The following PHIP variants were observed in gnomAD, a reference collection of about 807,000 sequenced individuals.
PHIP encodes PHIP subunit of CUL4-Ring ligase complex, also known as PH-interacting protein.
A neutral mutation model predicts 236.8 loss-of-function variants in PHIP; 54 were observed. The observed-to-expected ratio is 0.23, with a 90% CI of 0.18 to 0.29. The LOEUF is 0.29. PHIP is among the 10% of genes least tolerant of loss of function. PHIP has a pLI of 1.00. For synonymous variants in PHIP, 756 were observed against 718.9 expected (o/e 1.05, Z -0.83); for missense variants, 1,370 against 2,190.8 (o/e 0.63, Z 7.48).
chr6:78,946,850 A>G lies in PHIP; in HGVS notation c.4231T>C (p.Ser1411Pro). 1 of 1,573,560 alleles carries G rather than the reference A, an allele frequency of 6.4e-7. No individual in the cohort carries two copies. Among genetic ancestry groups the G allele is most frequent in the Non-Finnish European group, 8.6e-7 (1 of 1,165,696 alleles). Residue 1411 changes from serine to proline, a missense_variant, in exon 37 of 40, where the codon TCT (serine) becomes CCT (proline). Physicochemically the swap from Ser to Pro is moderately conservative, Grantham distance 74 (BLOSUM62 -1). Coordinates refer to ENST00000275034, the MANE Select transcript of PHIP (RefSeq NM_017934.7). ...SRIYSMSLRL[S>P]AFFEEHISSV... is the part of the protein sequence containing the mutation. ...CTAATGTGTTCTTCAAAGAAAGCAG[A>G]CAGGCGCAAACTCATGCTGTAAATC... is the stretch of plus-strand genomic sequence containing the variant.
chr6:78,971,719 G>A (rs1023961115), intron 24 of PHIP, among the ~76,000 whole-genome samples: 1 of 152,200 alleles, frequency 6.6e-6, no homozygotes, highest in East Asian at 1.9e-4. Flanking sequence ...CACTCAGGAA[G>A]CACAGGGAGT....
Position 78,941,145 on chromosome 6 carries a change from C to T in PHIP, c.5014G>A (p.Glu1672Lys). The T allele has an allele frequency of 1.2e-6, 2 of 1,614,008 alleles. No homozygotes were observed. Among genetic ancestry groups the T allele is most frequent in the South Asian group, 1.1e-5 (1 of 91,076 alleles). ...TGCACATTATTTTGCTCTAAATCTTCTGGCTTTGCATACTGTAGCTTTTTG... is the reference window on the plus strand; with the variant it reads ...TGCACATTATTTTGCTCTAAATCTTTTGGCTTTGCATACTGTAGCTTTTTG... ...KPKKLQYAKPEDLEQNNVHPI... is the reference protein window; with the variant it reads ...KPKKLQYAKPKDLEQNNVHPI... The change falls in exon 40 of 40, where the codon GAA (glutamate) becomes AAA (lysine). Residue 1672 changes from glutamate (E) to lysine (K), a missense_variant. Transcript: ENST00000275034.
intron 24 of PHIP, among the ~76,000 whole-genome samples, chr6:78,971,676 G>A (rs150651293): frequency 1.3e-4 from 20 of 152,238 alleles, no homozygotes; most frequent in Non-Finnish European, 1.9e-4. Flanking sequence ...TGCGCGCACC[G>A]TGTGCGAGCC....
chr6:79,077,701 T>A lies in PHIP; in HGVS notation c.128A>T (p.Glu43Val). 1.0e-6 allele frequency: 1 copy of A among 994,656 alleles called. No homozygotes were observed. The highest frequency in any genetic ancestry group is 5.9e-5 in the Admixed American group (1 of 17,078). The allele number at this position is 994,656 out of a possible 1,614,324, so 61.6% of individuals were successfully genotyped here. A position where few individuals can be genotyped will look rare whatever the true frequency, so the allele number is the denominator to read the frequency against. The change falls in exon 3 of 40, where the codon GAG (glutamate) becomes GTG (valine). Residue 43 changes from glutamate to valine, a missense_variant and splice_region_variant. Physicochemically the swap from Glu to Val is moderately radical, Grantham distance 121 (BLOSUM62 -2). Coordinates refer to ENST00000275034, the MANE Select transcript of PHIP (RefSeq NM_017934.7). ...GCGCCGGGCCGCCGCCGCCCTTACC[T>A]CCTTCTCGGCCACCTCGCGGATCAG... is the stretch of plus-strand genomic sequence containing the variant. ...QVLIREVAEK[E>V]LLPRRTDWTG...
chr6:79,021,981 C>A (rs1469865711), intron 9 of PHIP, among the ~76,000 whole-genome samples: 1 of 151,850 alleles, frequency 6.6e-6, no homozygotes, highest in African/African-American at 2.4e-5. Flanking sequence ...ATCTCATGTA[C>A]CCCATAAATA....
At chr6:79,049,435 A>C (rs540982792) in intron 6 of PHIP, among the ~76,000 whole-genome samples, 1 of 152,332 alleles carries the variant, frequency 6.6e-6, no homozygotes, top group Non-Finnish European at 1.5e-5. Flanking sequence ...TCTGTAAATA[A>C]AATGCAAAAG....
intron 9 of PHIP, among the ~76,000 whole-genome samples, chr6:79,021,778 T>C (rs760226925): frequency 1.1e-4 from 16 of 152,038 alleles, no homozygotes; most frequent in Non-Finnish European, 1.8e-4. Flanking sequence ...AGTACAAAAC[T>C]AATAGAAAGA....
At chr6:79,060,163 T>C (rs779544846) in intron 6 of PHIP, among the ~76,000 whole-genome samples, 2 of 152,026 alleles carry the variant, frequency 1.3e-5, no homozygotes, top group Non-Finnish European at 2.9e-5. Context: ...TCTCCTACCA[T>C]TATAACTAAT....
At chr6:79,011,594 GT>G (rs1390555127) in intron 15 of PHIP, among the ~76,000 whole-genome samples, 1 of 151,532 alleles carries the variant, frequency 6.6e-6, no homozygotes, top group African/African-American at 2.4e-5. Flanking sequence ...CTTCTTATAA[GT>G]AACAAAAACA....
intron 15 of PHIP, 114 bp downstream of exon 15, chr6:79,014,968 A>ATCAAAAATAATTAGATGGGAATT: frequency 1.4e-6 from 1 of 721,982 alleles, no homozygotes; most frequent in Non-Finnish European, 2.3e-6. Context: ...TGGGAATTTA[A>ATCAAAAATAATTAGATGGGAATT]AGTCAAAATA....
intron 27 of PHIP, among the ~76,000 whole-genome samples, chr6:78,969,612 A>C (rs1304246106): frequency 1.3e-5 from 2 of 152,184 alleles, no homozygotes; most frequent in African/African-American, 4.8e-5. Flanking sequence ...ATAAAGTCAA[A>C]TGTAACAGAA....
At chr6:79,045,519 T>C (rs2127762118) in intron 6 of PHIP, among the ~76,000 whole-genome samples, 1 of 152,248 alleles carries the variant, frequency 6.6e-6, no homozygotes, top group South Asian at 2.1e-4. Context: ...ATAGAGCCTT[T>C]TAAATTAAAA....
At chr6:79,067,679 C>T (rs1028138279) in intron 4 of PHIP, 6 of 152,532 alleles carry the variant, frequency 3.9e-5, no homozygotes, top group Admixed American at 1.3e-4. Context: ...TAGTTTACCA[C>T]CCCCTGATCG....
At chr6:78,987,564 TAAA>T (rs1158561450) in intron 21 of PHIP, among the ~76,000 whole-genome samples, 1 of 152,088 alleles carries the variant, frequency 6.6e-6, no homozygotes. Context: ...AGTCAATATC[TAAA>T]ATGATTACAT....
chr6:79,021,154 CT>C (rs1365296125), intron 9 of PHIP, among the ~76,000 whole-genome samples: 1 of 151,976 alleles, frequency 6.6e-6, no homozygotes, highest in Non-Finnish European at 1.5e-5. Context: ...CTACAAGTTA[CT>C]TTTTTATTGG....
intron 6 of PHIP, among the ~76,000 whole-genome samples, chr6:79,052,253 G>A (rs1161423547): frequency 6.6e-6 from 1 of 152,180 alleles, no homozygotes; most frequent in Admixed American, 6.5e-5. Context: ...AAAATGAACA[G>A]CCACAGAATG....
chr6:79,074,678 C>T lies in PHIP; in HGVS notation c.189+2770G>A, dbSNP rs78809088. Reference sequence around the variant, plus strand: ...GGTGATAATCAGTCATGTTTTATACCAGAGACAGAAACAACCATAAGATAC... The same window carrying T: ...GGTGATAATCAGTCATGTTTTATACTAGAGACAGAAACAACCATAAGATAC... On this transcript the variant is annotated intron_variant, in intron 4 of 39. Transcript: ENST00000275034. Among the ~76,000 whole-genome samples the T allele has an allele frequency of 7.1e-3, 1,083 of 152,044 alleles. 16 individuals are homozygous for T. The highest frequency in any genetic ancestry group is 0.025 in the African/African-American group (1,018 of 41,504).
chr6:78,960,667 C>T (rs1186775809), intron 31 of PHIP, among the ~76,000 whole-genome samples: 1 of 151,864 alleles, frequency 6.6e-6, no homozygotes. Context: ...TTTCTTTATT[C>T]CAGTGGTTCT....
intron 7 of PHIP, among the ~76,000 whole-genome samples, chr6:79,032,348 G>A (rs1771718167): frequency 6.6e-6 from 1 of 152,112 alleles, no homozygotes; most frequent in South Asian, 2.1e-4. Context: ...TCTGCAGCAT[G>A]GAATGCTATC....
Sources: gnomAD v4.1 joint callset for allele counts (sites outside exome capture counted in the v4.1 genomes callset) on GRCh38, gnomAD v4.1.1 for gene constraint, MANE v1.5 for transcripts, NCBI Gene and HGNC (gene_info 2026-07-23, HGNC 2026-07-21) for gene names.